Variants in MYOM3 observed in about 807,000 individuals in gnomAD.
MYOM3 encodes the protein myomesin 3, also known as myomesin-3.
MYOM3 carries 155 observed loss-of-function variants against 191.7 expected under a neutral mutation model. That is an observed-to-expected ratio of 0.81 (90% CI 0.71 to 0.92). MYOM3 has a LOEUF of 0.92. MYOM3 is among the 40% of genes least tolerant of loss of function. The pLI is 0.00. For synonymous variants in MYOM3, 757 were observed against 762.9 expected (o/e 0.99, Z 0.13); for missense variants, 1,889 against 1,890.6 (o/e 1.00, Z 0.02).
chr1:24,067,106 A>G lies in MYOM3; in HGVS notation c.3356-18T>C. 1 of 1,564,440 alleles carries G rather than the reference A, an allele frequency of 6.4e-7. No homozygotes were observed. Among genetic ancestry groups the G allele is most frequent in the South Asian group, 1.2e-5 (1 of 85,390 alleles). On this transcript the variant is annotated intron_variant, in intron 27 of 36. Coordinates refer to ENST00000374434, the MANE Select transcript of MYOM3 (RefSeq NM_152372.4). ...ATAGGGACCTGTGCGTGCAAAACAA[A>G]TGTGCCCACTGTCAGAGAGCCAGGC...
Position 24,080,071 on chromosome 1 carries a change from C to T in MYOM3, c.2531G>A (p.Gly844Asp), listed in dbSNP as rs772844041. The T allele has an allele frequency of 3.7e-6, 6 of 1,614,114 alleles. No homozygotes were observed. Among genetic ancestry groups the T allele is most frequent in the South Asian group, 2.2e-5 (2 of 91,062 alleles). ...GGTGACCGGCTTCCACTGCTCAGAG[C>T]CTTCCTCCTGGAAACTGACGTGATA... Reference protein sequence around the residue: ...TGYHVSFQEEGSEQWKPVTPG... With the variant: ...TGYHVSFQEEDSEQWKPVTPG... Residue 844 changes from glycine to aspartate, a missense_variant, in exon 20 of 37, where the codon GGC becomes GAC. Transcript: ENST00000374434.
chr1:24,065,335 A>T (rs1262695626), intron 29 of MYOM3, among the ~76,000 whole-genome samples: 1 of 152,232 alleles, frequency 6.6e-6, no homozygotes, highest in East Asian at 1.9e-4. Context: ...TTGACGTTTG[A>T]GAGCAAGCCT....
At chr1:24,071,676 T>A (rs1047765312) in intron 24 of MYOM3, among the ~76,000 whole-genome samples, 3 of 152,156 alleles carry the variant, frequency 2.0e-5, no homozygotes, top group African/African-American at 7.2e-5. Flanking sequence ...CCCTAGCCAA[T>A]GGAGAGAAGC....
chr1:24,070,760 T>C (rs1192867313), intron 25 of MYOM3, among the ~76,000 whole-genome samples: 1 of 152,188 alleles, frequency 6.6e-6, no homozygotes, highest in African/African-American at 2.4e-5. Context: ...TATTTATACC[T>C]AAAACAGAGT....
chr1:24,068,288 G>C lies in MYOM3; in HGVS notation c.3230C>G (p.Ser1077Trp). The C allele has an allele frequency of 1.2e-6, 2 of 1,614,110 alleles. No homozygotes were observed. Among genetic ancestry groups the C allele is most frequent in the Non-Finnish European group, 1.7e-6 (2 of 1,179,988 alleles). ...IQNLSEEDKG[S>W]YTAQLQDGKA... is the part of the protein sequence containing the mutation. ...TCCATCTTGGAGTTGAGCGGTGTAC[G>C]ACCCTTTGTCCTCCTCAGACAAGTT... The change falls in exon 26 of 37, where the codon TCG (serine) becomes TGG (tryptophan). Residue 1077 changes from serine (S) to tryptophan (W), a missense_variant. By Grantham distance (177) the Ser-to-Trp change is radical. Coordinates refer to ENST00000374434, the MANE Select transcript of MYOM3 (RefSeq NM_152372.4).
In MYOM3 at chr1:24,067,992, T is replaced by A; in HGVS notation, c.3333A>T (p.Arg1111Ser). The A allele has an allele frequency of 6.2e-7, 1 of 1,614,200 alleles. No individual in the cohort carries two copies. The highest frequency in any genetic ancestry group is 1.7e-5 in the Admixed American group (1 of 60,028). ...TACCCTGTTTTCTCTTCCAGTCCCTTCTCTTAGCATCTGCCTTCCTCAGAA... is the reference window on the plus strand; with the variant it reads ...TACCCTGTTTTCTCTTCCAGTCCCTACTCTTAGCATCTGCCTTCCTCAGAA... ...DKLLRKADAKRRDWKRKQGPY... is the reference protein window; with the variant it reads ...DKLLRKADAKSRDWKRKQGPY... The change falls in exon 27 of 37, where the codon AGA (arginine) becomes AGT (serine). Residue 1111 changes from arginine to serine, a missense_variant. Transcript: ENST00000374434.
chr1:24,076,275 T>TG lies in MYOM3; in HGVS notation c.2587-3dup, dbSNP rs757245519. On this transcript the variant is annotated splice_polypyrimidine_tract_variant and splice_region_variant and intron_variant, in intron 20 of 36. Transcript: ENST00000374434. ...CTTTCCTGGCTGCAAGTCGGAAACC[T>TG]GGGGGCAGAGGGCAAGAGCCAGCAC... The TG allele has an allele frequency of 1.6e-5, 26 of 1,612,658 alleles. No individual in the cohort carries two copies. Among genetic ancestry groups the TG allele is most frequent in the African/African-American group, 2.7e-5 (2 of 74,884 alleles).
At chr1:24,092,814 A>G in intron 10 of MYOM3, 133 bp downstream of exon 10, 1 of 935,136 alleles carries the variant, frequency 1.1e-6, no homozygotes, top group South Asian at 2.0e-5. Flanking sequence ...CCCAACCCAA[A>G]GCCCTGATTT....
chr1:24,112,118 G>A lies in MYOM3; in HGVS notation c.-106C>T, dbSNP rs550397112. 1 of 152,294 alleles carries A rather than the reference G, an allele frequency of 6.6e-6. No homozygotes were observed. Among genetic ancestry groups the A allele is most frequent in the East Asian group, 1.9e-4 (1 of 5,180 alleles). The allele number at this position is 152,294 out of a possible 1,614,324, so 9.4% of individuals were successfully genotyped here. A position where few individuals can be genotyped will look rare whatever the true frequency, so the allele number is the denominator to read the frequency against. On this transcript the variant is annotated 5_prime_UTR_variant, in exon 1 of 37. Transcript: ENST00000374434. ...GTTCTCTTCTTGCCCTCGGCTCAGCGGGCACCGGGAGAAGAATGCGATCCC... is the reference window on the plus strand; with the variant it reads ...GTTCTCTTCTTGCCCTCGGCTCAGCAGGCACCGGGAGAAGAATGCGATCCC...
chr1:24,068,686 T>C (rs7516041), intron 25 of MYOM3, among the ~76,000 whole-genome samples: 4,323 of 152,202 alleles, frequency 0.028, 218 homozygotes, highest in African/African-American at 0.099. Context: ...CTATTTTCTT[T>C]TCTTTTTCTT....
chr1:24,063,521 G>T lies in MYOM3; in HGVS notation c.3632C>A (p.Ala1211Asp). Residue 1211 changes from alanine to aspartate, a missense_variant, in exon 31 of 37, where the codon GCC becomes GAC. Transcript: ENST00000374434. This position sits in a 1 kb window ranked among gnomAD's most constrained non-coding sequence, Gnocchi z 4.5. ...ILDLTGDALDAIFTELGRIGA... is the reference protein window; with the variant it reads ...ILDLTGDALDDIFTELGRIGA... ...AATCCTGCCCAACTCGGTGAAGATG[G>T]CATCCAGGGCTGGCGGGAAACAGAG... 6.2e-7 allele frequency: 1 copy of T among 1,614,180 alleles called. No homozygotes were observed. The highest frequency in any genetic ancestry group is 8.5e-7 in the Non-Finnish European group (1 of 1,180,012).
intron 20 of MYOM3, among the ~76,000 whole-genome samples, chr1:24,078,403 C>T (rs558182930): frequency 5.3e-5 from 8 of 152,308 alleles, no homozygotes; most frequent in African/African-American, 1.9e-4. Flanking sequence ...AGGCATGAGA[C>T]CCGCCGTGCC....
Position 24,061,452 on chromosome 1 carries a change from G to A in MYOM3, c.3935-143C>T, listed in dbSNP as rs1557599793. 7 of 785,030 alleles carry A rather than the reference G, an allele frequency of 8.9e-6. No individual in the cohort carries two copies. In the East Asian group the frequency reaches 1.9e-4, roughly 21 times the overall value. 48.6% of individuals were successfully genotyped at this position (785,030 alleles called of 1,614,324 possible). On this transcript the variant is annotated intron_variant, in intron 33 of 36. Transcript: ENST00000374434. ...CCGATGTTTCTTTGGGGCAGTGGCA[G>A]GACTGCGTGGGAGGGTAGGCGTACC...
In MYOM3 at chr1:24,086,626, C is replaced by G; in HGVS notation, c.1798+18G>C. ...GCCTGGCCTGCCTCCTCCCCGACCC[C>G]CGGCATCAGGAGGGTACCTGGCGGG... On this transcript the variant is annotated intron_variant, in intron 15 of 36. Coordinates refer to ENST00000374434, the MANE Select transcript of MYOM3 (RefSeq NM_152372.4). 1 of 1,609,884 alleles carries G rather than the reference C, an allele frequency of 6.2e-7. No individual in the cohort carries two copies. The highest frequency in any genetic ancestry group is 8.5e-7 in the Non-Finnish European group (1 of 1,177,606).
At chr1:24,074,747 T>C (rs1190750450) in intron 22 of MYOM3, among the ~76,000 whole-genome samples, 1 of 152,150 alleles carries the variant, frequency 6.6e-6, no homozygotes, top group Non-Finnish European at 1.5e-5. Context: ...AGGTACTTAG[T>C]TAGAGGCACA....
At chr1:24,088,249 C>CA in intron 14 of MYOM3, among the ~76,000 whole-genome samples, 1 of 152,226 alleles carries the variant, frequency 6.6e-6, no homozygotes, top group East Asian at 1.9e-4. Flanking sequence ...GTTTTCCCCC[C>CA]ACAAGCCCAT....
In MYOM3 at chr1:24,107,104, T is replaced by C. The variant is rs1643990102; in HGVS notation, c.371A>G (p.Gln124Arg). 1 of 1,611,836 alleles carries C rather than the reference T, an allele frequency of 6.2e-7. No homozygotes were observed. The highest frequency in any genetic ancestry group is 8.5e-7 in the Non-Finnish European group (1 of 1,179,266). ...CCTCAGCGTCTTCCAGTCCCGCCTCTGGCGCAGCAGCCGGTGGGTCTGCAG... is the reference window on the plus strand; with the variant it reads ...CCTCAGCGTCTTCCAGTCCCGCCTCCGGCGCAGCAGCCGGTGGGTCTGCAG... ...AFLQTHRLLR[Q>R]RRDWKTLRRR... The change falls in exon 4 of 37, where the codon CAG becomes CGG. Residue 124 changes from glutamine (Q) to arginine (R), a missense_variant. Transcript: ENST00000374434.
At chr1:24,076,577 G>A (rs12126711) in intron 20 of MYOM3, among the ~76,000 whole-genome samples, 1 of 65,356 alleles carries the variant, frequency 1.5e-5, no homozygotes, top group Non-Finnish European at 3.7e-5. Flanking sequence ...GCAGTGGCGG[G>A]ATCTCGGCTC....
Position 24,057,397 on chromosome 1 carries a change from G to C in MYOM3, c.4281C>G (p.His1427Gln), listed in dbSNP as rs548519660. ...TCTTCAGCTCCTTGGGCTCGTCCCC[G>C]TGCTTGAACACACTGATGGTGACCT... is the stretch of plus-strand genomic sequence containing the variant. ...TGQVTISVFK[H>Q]GDEPKELKSM Residue 1427 changes from histidine (H) to glutamine (Q), a missense_variant, in exon 37 of 37, where the codon CAC (histidine) becomes CAG (glutamine). His to Gln is a conservative substitution (Grantham distance 24). Transcript: ENST00000374434. 2.5e-6 allele frequency: 4 copies of C among 1,613,986 alleles called. No individual in the cohort carries two copies. Among genetic ancestry groups the C allele is most frequent in the Non-Finnish European group, 3.4e-6 (4 of 1,180,040 alleles).
Sources: gnomAD v4.1 joint callset for allele counts (sites outside exome capture counted in the v4.1 genomes callset) on GRCh38, gnomAD v4.1.1 for gene constraint, Gnocchi (gnomAD v3.1) non-coding constraint, MANE v1.5 for transcripts, NCBI Gene and HGNC (gene_info 2026-07-23, HGNC 2026-07-21) for gene names.